The following PDE10A variants were observed in gnomAD, a reference collection of about 807,000 sequenced individuals.
PDE10A encodes phosphodiesterase 10A.
Under a neutral mutation model 97.7 loss-of-function variants are expected in PDE10A, and 39 were observed. That is an observed-to-expected ratio of 0.40 (90% CI 0.31 to 0.52). The LOEUF is 0.52. Among genes scored for constraint, PDE10A ranks in the 20% least tolerant of loss-of-function variants. The probability of loss-of-function intolerance (pLI) is 0.56; values close to 1 mark genes in which losing one functional copy is unlikely to be tolerated. For synonymous variants in PDE10A, 371 were observed against 376.8 expected, an observed-to-expected ratio of 0.98 and a Z score of 0.18; for missense variants, 731 against 1,047.8, an observed-to-expected ratio of 0.70 and a Z score of 4.17.
chr6:165,973,695 A>G (rs2128501908), intron 1 of PDE10A, among the ~76,000 whole-genome samples: 1 of 152,336 alleles, frequency 6.6e-6, no homozygotes, highest in African/African-American at 2.4e-5. Context: ...TGGGCCCCAG[A>G]CTGGCCCATC....
At chr6:165,815,974 G>T (rs1237628866) in intron 1 of PDE10A, among the ~76,000 whole-genome samples, 1 of 151,112 alleles carries the variant, frequency 6.6e-6, no homozygotes, top group Non-Finnish European at 1.5e-5. Context: ...TTTTGAAATG[G>T]AGTCTCACTT....
chr6:165,927,853 T>A (rs1350654756), intron 1 of PDE10A, among the ~76,000 whole-genome samples: 1 of 149,702 alleles, frequency 6.7e-6, no homozygotes, highest in Non-Finnish European at 1.5e-5. Flanking sequence ...TGCGCCACCA[T>A]GCCCAGCTAA....
intron 1 of PDE10A, among the ~76,000 whole-genome samples, chr6:165,931,648 G>A (rs961651176): frequency 1.3e-5 from 2 of 152,192 alleles, no homozygotes; most frequent in African/African-American, 2.4e-5. Flanking sequence ...CTCCAGAGTC[G>A]CATCTGATAT....
intron 1 of PDE10A, among the ~76,000 whole-genome samples, chr6:165,576,063 A>G (rs992987747): frequency 6.8e-6 from 1 of 147,188 alleles, no homozygotes; most frequent in Non-Finnish European, 1.5e-5. Flanking sequence ...CATTTAGCCA[A>G]TAATAAATTT....
intron 1 of PDE10A, among the ~76,000 whole-genome samples, chr6:165,971,621 C>A (rs768291176): frequency 1.3e-5 from 2 of 152,066 alleles, no homozygotes; most frequent in Non-Finnish European, 2.9e-5. Context: ...CCAAGTTTTA[C>A]GTATGTATTT....
At chr6:165,553,529 G>A (rs760100016) in intron 1 of PDE10A, among the ~76,000 whole-genome samples, 1 of 152,130 alleles carries the variant, frequency 6.6e-6, no homozygotes, top group Non-Finnish European at 1.5e-5. Context: ...CACTGAAAGA[G>A]AATTGGTCTA....
intron 1 of PDE10A, among the ~76,000 whole-genome samples, chr6:165,959,442 G>T (rs1024987959): frequency 2.3e-4 from 35 of 152,100 alleles, no homozygotes; most frequent in African/African-American, 8.5e-4. Context: ...AAAAAATAGT[G>T]AGCCATTTAT....
chr6:165,373,452 T>C (rs1478670907), intron 18 of PDE10A, among the ~76,000 whole-genome samples: 1 of 152,192 alleles, frequency 6.6e-6, no homozygotes, highest in East Asian at 1.9e-4. Flanking sequence ...AAAGAAGACA[T>C]TTATGCAGCC....
chr6:165,874,097 A>G (rs551207871), intron 1 of PDE10A, among the ~76,000 whole-genome samples: 7 of 152,338 alleles, frequency 4.6e-5, no homozygotes, highest in Admixed American at 3.9e-4. Context: ...CAGTCAGGAG[A>G]TGAAAACAGC....
chr6:165,544,002 A>T (rs2128323985), intron 1 of PDE10A, among the ~76,000 whole-genome samples: 1 of 152,294 alleles, frequency 6.6e-6, no homozygotes, highest in Middle Eastern at 3.4e-3. Flanking sequence ...ATATGAACCA[A>T]TGCCAAGAAC....
At chr6:165,411,232 C>T (rs1442654041) in intron 13 of PDE10A, among the ~76,000 whole-genome samples, 1 of 151,358 alleles carries the variant, frequency 6.6e-6, no homozygotes, top group Non-Finnish European at 1.5e-5. Context: ...GATAACAACA[C>T]AGTACTTGTG....
chr6:165,432,534 T>C (rs910482242), intron 7 of PDE10A, among the ~76,000 whole-genome samples: 2 of 152,192 alleles, frequency 1.3e-5, no homozygotes, highest in Non-Finnish European at 2.9e-5. Flanking sequence ...AATGTATCAT[T>C]TTAATATTTG....
intron 2 of PDE10A, among the ~76,000 whole-genome samples, chr6:165,505,108 C>T (rs763514843): frequency 1.1e-4 from 16 of 152,120 alleles, no homozygotes; most frequent in Non-Finnish European, 2.2e-4. Flanking sequence ...AGAGATGATC[C>T]CTCGAGTCCT....
chr6:165,717,494 G>T (rs1792053273), intron 1 of PDE10A, among the ~76,000 whole-genome samples: 1 of 151,940 alleles, frequency 6.6e-6, no homozygotes, highest in African/African-American at 2.4e-5. Context: ...GGAGACAGGA[G>T]AATTGCTTGA....
At chr6:165,344,796 T>A (rs1334795903) in intron 18 of PDE10A, among the ~76,000 whole-genome samples, 1 of 152,196 alleles carries the variant, frequency 6.6e-6, no homozygotes, top group Admixed American at 6.5e-5. Context: ...TAAGGGCACA[T>A]TTCAAGAGGG....
At chr6:165,470,711 G>A (rs1778942596) in intron 3 of PDE10A, among the ~76,000 whole-genome samples, 2 of 152,148 alleles carry the variant, frequency 1.3e-5, no homozygotes, top group South Asian at 4.1e-4. Flanking sequence ...GTGAGTAAAT[G>A]GTAATTAGTT....
At chr6:165,472,580 T>C (rs570412651) in intron 3 of PDE10A, among the ~76,000 whole-genome samples, 1 of 152,174 alleles carries the variant, frequency 6.6e-6, no homozygotes, top group Non-Finnish European at 1.5e-5. Flanking sequence ...TGGCTATATC[T>C]CTCAGGTTTG....
intron 1 of PDE10A, among the ~76,000 whole-genome samples, chr6:165,570,174 C>T (rs1487828380): frequency 6.6e-6 from 1 of 152,074 alleles, no homozygotes; most frequent in African/African-American, 2.4e-5. Flanking sequence ...CTAATGGCAG[C>T]CCTAGCAAAC....
chr6:165,942,255 C>T (rs1783547108), intron 1 of PDE10A, among the ~76,000 whole-genome samples: 1 of 151,548 alleles, frequency 6.6e-6, no homozygotes, highest in African/African-American at 2.4e-5. Flanking sequence ...ATTAAAAATG[C>T]CAGTTTATGA....
Sources: gnomAD v4.1 joint callset for allele counts (sites outside exome capture counted in the v4.1 genomes callset) on GRCh38, gnomAD v4.1.1 for gene constraint, MANE v1.5 for transcripts, NCBI Gene and HGNC (gene_info 2026-07-23, HGNC 2026-07-21) for gene names.